The following SLC9A9 variants were observed in gnomAD, a reference collection of about 807,000 sequenced individuals.
The protein encoded by SLC9A9 is sodium/hydrogen exchanger 9.
In SLC9A9, 62 loss-of-function variants were observed where a neutral mutation model predicts 77.8. That is an observed-to-expected ratio of 0.80 (90% CI 0.65 to 0.98). The LOEUF (loss-of-function observed/expected upper bound fraction) is 0.98, where lower values mean the gene tolerates loss of function less well. SLC9A9 is among the 50% of genes least tolerant of loss of function. The pLI is 0.00. For synonymous variants in SLC9A9, 320 were observed against 283.5 expected (o/e 1.13, Z -1.29); for missense variants, 775 against 774.9 (o/e 1.00, Z 0.00).
At chr3:143,660,264 A>C (rs984807735) in intron 5 of SLC9A9, among the ~76,000 whole-genome samples, 2 of 152,222 alleles carry the variant, frequency 1.3e-5, no homozygotes, top group Non-Finnish European at 2.9e-5. Flanking sequence ...GTAGCTGAAG[A>C]GACATGAAAG....
rs112421984 is a variant in SLC9A9, at chr3:143,503,133, C to T, written c.1090-7685G>A. Reference sequence around the variant, plus strand: ...CAAAGTGGGGCTTTCTAGGCCCCTCCCATTCTTCAGAGGGTGTGGCATGGA... The same window carrying T: ...CAAAGTGGGGCTTTCTAGGCCCCTCTCATTCTTCAGAGGGTGTGGCATGGA... On this transcript the variant is annotated intron_variant, in intron 9 of 15. Transcript: ENST00000316549. 1,344 of 163,320 alleles carry T rather than the reference C, an allele frequency of 8.2e-3. 16 individuals are homozygous for T. The highest frequency in any genetic ancestry group is 0.03 in the African/African-American group (1,239 of 41,632). The allele number at this position is 163,320 out of a possible 1,614,324, so 10.1% of individuals were successfully genotyped here.
At chr3:143,661,855 C>T (rs971066465) in intron 5 of SLC9A9, among the ~76,000 whole-genome samples, 5 of 152,104 alleles carry the variant, frequency 3.3e-5, no homozygotes, top group African/African-American at 1.2e-4. Context: ...CTCCCATATC[C>T]AACCATTGCC....
intron 12 of SLC9A9, among the ~76,000 whole-genome samples, chr3:143,399,328 T>C (rs1266704436): frequency 3.3e-5 from 5 of 152,194 alleles, no homozygotes; most frequent in Non-Finnish European, 7.3e-5. Context: ...TGGTCAAATC[T>C]GTTATTCACC....
chr3:143,596,923 AAG>A (rs2037761864), intron 6 of SLC9A9, among the ~76,000 whole-genome samples: 1 of 152,108 alleles, frequency 6.6e-6, no homozygotes, highest in African/African-American at 2.4e-5. Context: ...TGGTCTCCCA[AAG>A]TGCTGGGATT....
intron 5 of SLC9A9, among the ~76,000 whole-genome samples, chr3:143,677,704 G>A (rs1038947695): frequency 8.5e-5 from 13 of 152,132 alleles, no homozygotes; most frequent in African/African-American, 3.1e-4. Context: ...AAACTGTTAG[G>A]GGTAAAATGA....
chr3:143,418,460 C>A (rs762249462), intron 12 of SLC9A9, among the ~76,000 whole-genome samples: 1 of 151,900 alleles, frequency 6.6e-6, no homozygotes, highest in African/African-American at 2.4e-5. Context: ...TAAACATGAG[C>A]CTTTAAAAGA....
intron 4 of SLC9A9, among the ~76,000 whole-genome samples, chr3:143,781,056 T>C (rs1038411574): frequency 3.3e-5 from 5 of 152,226 alleles, no homozygotes; most frequent in African/African-American, 9.6e-5. Flanking sequence ...CCATTTCCTC[T>C]ATTATTAACA....
chr3:143,831,868 A>T (rs1490082467), intron 2 of SLC9A9, 151 bp downstream of exon 2: 1 of 701,792 alleles, frequency 1.4e-6, no homozygotes, highest in Non-Finnish European at 2.3e-6. Context: ...TCAGGGTTTG[A>T]CTCCTTAGTC....
In SLC9A9 at chr3:143,810,073, T is replaced by C. The variant is rs375138448; in HGVS notation, c.379-13170A>G. On this transcript the variant is annotated intron_variant, in intron 2 of 15. Coordinates refer to ENST00000316549, the MANE Select transcript of SLC9A9 (RefSeq NM_173653.4). ...ATTTTTAAATATTAAAATTCAATTC[T>C]TAAAGATAAAATGGGAGAGAGAAAA... Among the ~76,000 whole-genome samples, 501 of 152,338 alleles carry C rather than the reference T, an allele frequency of 3.3e-3. 5 individuals are homozygous for C. Among genetic ancestry groups the C allele is most frequent in the African/African-American group, 0.011 (474 of 41,576 alleles).
chr3:143,522,218 A>G (rs2108614305), intron 9 of SLC9A9, among the ~76,000 whole-genome samples: 1 of 152,320 alleles, frequency 6.6e-6, no homozygotes, highest in East Asian at 1.9e-4. Context: ...GTACTTTCTG[A>G]GATATCGTAG....
intron 14 of SLC9A9, among the ~76,000 whole-genome samples, chr3:143,280,437 T>C (rs556100604): frequency 1.3e-5 from 2 of 150,654 alleles, no homozygotes; most frequent in East Asian, 1.9e-4. Context: ...TTTGTCTTTA[T>C]AGGGTCACAT....
At chr3:143,780,441 T>C (rs1364434107) in intron 4 of SLC9A9, among the ~76,000 whole-genome samples, 7 of 152,290 alleles carry the variant, frequency 4.6e-5, no homozygotes, top group Middle Eastern at 6.8e-3. Context: ...CACTGTCAAT[T>C]GGGGATTGAT....
chr3:143,769,407 C>T (rs2007439441), intron 4 of SLC9A9, among the ~76,000 whole-genome samples: 1 of 152,064 alleles, frequency 6.6e-6, no homozygotes. Flanking sequence ...CCAAAACAAG[C>T]CCATATTGAA....
intron 12 of SLC9A9, among the ~76,000 whole-genome samples, chr3:143,405,960 T>C (rs2033968151): frequency 6.6e-6 from 1 of 152,256 alleles, no homozygotes; most frequent in Non-Finnish European, 1.5e-5. Context: ...TTTTCACTGG[T>C]TTAAATGCCT....
rs138967763 is a variant in SLC9A9, at chr3:143,420,768, A to G, written c.1470-38654T>C. ...AGCATTATTCACATTTTAAAGATCA[A>G]GAAACAAAGCTCAAATCAGGCAAGA... On this transcript the variant is annotated intron_variant, in intron 12 of 15. Transcript: ENST00000316549. Among the ~76,000 whole-genome samples the G allele has an allele frequency of 3.1e-3, 470 of 152,280 alleles. 3 individuals carry two copies. Among genetic ancestry groups the G allele is most frequent in the African/African-American group, 0.011 (446 of 41,556 alleles).
intron 4 of SLC9A9, among the ~76,000 whole-genome samples, chr3:143,731,184 T>C (rs1934795415): frequency 6.6e-6 from 1 of 152,208 alleles, no homozygotes; most frequent in Admixed American, 6.5e-5. Flanking sequence ...GGACCAGGTC[T>C]CACCAATAGG....
chr3:143,773,168 G>A (rs375443714), intron 4 of SLC9A9, among the ~76,000 whole-genome samples: 4 of 152,246 alleles, frequency 2.6e-5, no homozygotes, highest in South Asian at 2.1e-4. Flanking sequence ...GGTGCTAAAC[G>A]TTTAATAAGT....
intron 13 of SLC9A9, among the ~76,000 whole-genome samples, chr3:143,367,916 GT>G (rs1386075811): frequency 6.6e-6 from 1 of 152,112 alleles, no homozygotes; most frequent in Non-Finnish European, 1.5e-5. Context: ...CAAGATTTGA[GT>G]TTAGTTACAA....
intron 5 of SLC9A9, among the ~76,000 whole-genome samples, chr3:143,690,938 A>T (rs1560033299): frequency 6.6e-6 from 1 of 152,192 alleles, no homozygotes; most frequent in Non-Finnish European, 1.5e-5. Context: ...TGTAACCCCT[A>T]ATAAATACTG....
Sources: allele counts gnomAD v4.1 joint callset (sites outside exome capture counted in the v4.1 genomes callset), GRCh38; gene constraint gnomAD v4.1.1; transcripts MANE v1.5; gene names NCBI Gene and HGNC (gene_info 2026-07-23, HGNC 2026-07-21).